Variants in NRG3 observed in about 807,000 individuals in gnomAD.
NRG3 encodes the protein pro-neuregulin-3, membrane-bound isoform.
NRG3 carries 31 observed loss-of-function variants against 66.9 expected under a neutral mutation model. The ratio of observed to expected loss-of-function variants is 0.46; its 90% confidence interval spans 0.35 to 0.63. The LOEUF is 0.63. Ranked by LOEUF, NRG3 falls within the 20% of genes least tolerant of loss-of-function variation. NRG3 has a pLI of 0.00. For synonymous variants in NRG3, 393 were observed against 359.4 expected, an observed-to-expected ratio of 1.09 and a Z score of -1.06; for missense variants, 910 against 878.9, an observed-to-expected ratio of 1.04 and a Z score of -0.45.
At chr10:82,096,214 T>C (rs1021288317) in intron 1 of NRG3, among the ~76,000 whole-genome samples, 9 of 152,088 alleles carry the variant, frequency 5.9e-5, no homozygotes, top group Non-Finnish European at 1.0e-4. Context: ...CAGTGGCTCA[T>C]GCCTGTAATC....
At chr10:82,106,638 T>G (rs377180123) in intron 1 of NRG3, among the ~76,000 whole-genome samples, 3 of 152,068 alleles carry the variant, frequency 2.0e-5, no homozygotes, top group Admixed American at 6.5e-5. Flanking sequence ...CCCAAGTAGC[T>G]GGGACTGCAG....
intron 1 of NRG3, among the ~76,000 whole-genome samples, chr10:82,262,262 C>G (rs1350948364): frequency 1.3e-5 from 2 of 152,146 alleles, no homozygotes; most frequent in African/African-American, 4.8e-5. Flanking sequence ...GTGTCACAGA[C>G]AAGGATTGGT....
chr10:82,031,525 A>C (rs1171698003), intron 1 of NRG3, among the ~76,000 whole-genome samples: 1 of 152,134 alleles, frequency 6.6e-6, no homozygotes, highest in East Asian at 1.9e-4. Flanking sequence ...ATGGTTTATA[A>C]GTAAGCAATG....
At chr10:82,650,971 A>G (rs2051364264) in intron 2 of NRG3, among the ~76,000 whole-genome samples, 1 of 152,206 alleles carries the variant, frequency 6.6e-6, no homozygotes, top group South Asian at 2.1e-4. Context: ...CAGACACTTA[A>G]CACATTTAAA....
intron 4 of NRG3, among the ~76,000 whole-genome samples, chr10:82,938,287 G>A (rs1047348227): frequency 2.6e-5 from 4 of 152,200 alleles, no homozygotes; most frequent in African/African-American, 9.6e-5. Context: ...CACAGATCTA[G>A]CTTCCTAGTG....
intron 2 of NRG3, among the ~76,000 whole-genome samples, chr10:82,468,238 C>T (rs1590232449): frequency 6.6e-6 from 1 of 152,284 alleles, no homozygotes; most frequent in Non-Finnish European, 1.5e-5. Flanking sequence ...CTGGATTCCC[C>T]AAGAAGGAGG....
At chr10:82,983,466 C>A (rs1264497557) in intron 8 of NRG3, among the ~76,000 whole-genome samples, 6 of 152,088 alleles carry the variant, frequency 3.9e-5, no homozygotes, top group Admixed American at 1.3e-4. Flanking sequence ...TACATAACCC[C>A]AAAAAGCTTT....
At chr10:82,001,945 A>C (rs1207977644) in intron 1 of NRG3, among the ~76,000 whole-genome samples, 1 of 152,180 alleles carries the variant, frequency 6.6e-6, no homozygotes, top group Non-Finnish European at 1.5e-5. Flanking sequence ...CAACTTCAAC[A>C]ATCATCCTCC....
intron 3 of NRG3, among the ~76,000 whole-genome samples, chr10:82,747,404 A>G (rs1383552078): frequency 1.3e-5 from 2 of 151,940 alleles, no homozygotes; most frequent in Admixed American, 6.6e-5. Flanking sequence ...AAATTCCTAG[A>G]TTTTGATATA....
At chr10:82,152,621 A>G (rs539541911) in intron 1 of NRG3, among the ~76,000 whole-genome samples, 30 of 152,126 alleles carry the variant, frequency 2.0e-4, no homozygotes, top group African/African-American at 6.3e-4. Flanking sequence ...ACCACTCACT[A>G]TATTTGGACC....
At chr10:82,343,533 G>GA (rs984463144) in intron 1 of NRG3, among the ~76,000 whole-genome samples, 1 of 151,528 alleles carries the variant, frequency 6.6e-6, no homozygotes, top group Admixed American at 6.6e-5. Context: ...CACAGGATTA[G>GA]AAAAAAAATC....
chr10:81,950,826 G>A (rs1245693521), intron 1 of NRG3, among the ~76,000 whole-genome samples: 1 of 152,102 alleles, frequency 6.6e-6, no homozygotes, highest in Non-Finnish European at 1.5e-5. Flanking sequence ...TCAAAATTCA[G>A]TATTCATCTT....
At chr10:82,799,898 G>A (rs142054644) in intron 3 of NRG3, 70 of 152,158 alleles carry the variant, frequency 4.6e-4, no homozygotes, top group African/African-American at 1.7e-3. Flanking sequence ...TGGAAGAGTG[G>A]TTTCTGTGAA....
At chr10:81,955,539 C>T (rs1040954507) in intron 1 of NRG3, among the ~76,000 whole-genome samples, 3 of 152,156 alleles carry the variant, frequency 2.0e-5, no homozygotes, top group African/African-American at 7.2e-5. Context: ...TCCTGTCAAT[C>T]TTGACCTGTG....
rs117666922 is a variant in NRG3 at position 82,080,640 on chromosome 10, T to A, written c.823+204477T>A. Among the ~76,000 whole-genome samples the A allele has an allele frequency of 2.4e-4, 36 of 152,310 alleles. No individual in the cohort carries two copies. The East Asian group carries it at 6.4e-3, about 27-fold the overall frequency. ...TTTCAAAGGAAGCTACCATATTTAA[T>A]ACAGTGCATGAGGAAGACCAATTTC... On this transcript the variant is annotated intron_variant, in intron 1 of 8. Coordinates refer to ENST00000372141, the MANE Select transcript of NRG3 (RefSeq NM_001010848.4).
intron 2 of NRG3, among the ~76,000 whole-genome samples, chr10:82,611,933 G>A (rs574977387): frequency 2.0e-5 from 3 of 152,124 alleles, no homozygotes; most frequent in African/African-American, 7.2e-5. Flanking sequence ...AGCATCTGTT[G>A]TTTCTGACTT....
chr10:82,002,339 C>T (rs1004843813), intron 1 of NRG3, among the ~76,000 whole-genome samples: 1 of 152,168 alleles, frequency 6.6e-6, no homozygotes, highest in African/African-American at 2.4e-5. Flanking sequence ...CAATATTTGT[C>T]TTACCTTTGA....
chr10:82,717,390 C>CTTTTTTTTT (rs59189864), intron 2 of NRG3, among the ~76,000 whole-genome samples: 1 of 83,580 alleles, frequency 1.2e-5, no homozygotes. Flanking sequence ...ATTGGAAAAG[C>CTTTTTTTTT]TTTTTTTTTT....
chr10:82,488,027 T>C (rs1382343491), intron 2 of NRG3, among the ~76,000 whole-genome samples: 1 of 152,204 alleles, frequency 6.6e-6, no homozygotes, highest in Admixed American at 6.5e-5. Flanking sequence ...TCAAGGCTAT[T>C]GAAAATAAGA....
Sources: gnomAD v4.1 joint callset for allele counts (sites outside exome capture counted in the v4.1 genomes callset) on GRCh38, gnomAD v4.1.1 for gene constraint, MANE v1.5 for transcripts, NCBI Gene and HGNC (gene_info 2026-07-23, HGNC 2026-07-21) for gene names.